The following MIR2052HG variants were observed in gnomAD, a reference collection of about 807,000 sequenced individuals.
MIR2052HG encodes the protein MIR2052 host gene.
chr8:74,719,000 G>A (rs1186814177), intron 4 of MIR2052HG, among the ~76,000 whole-genome samples: 4 of 151,886 alleles, frequency 2.6e-5, no homozygotes, highest in Non-Finnish European at 5.9e-5. Flanking sequence ...AAATTAGGAG[G>A]TTTATTATGA....
chr8:74,704,156 C>T (rs1393198340), intron 4 of MIR2052HG, among the ~76,000 whole-genome samples: 3 of 151,802 alleles, frequency 2.0e-5, no homozygotes, highest in Non-Finnish European at 2.9e-5. Context: ...TATTTCTTTT[C>T]GTGGGTATCT....
intron 4 of MIR2052HG, among the ~76,000 whole-genome samples, chr8:74,738,133 G>GTATCTATC (rs56976671): frequency 0.24 from 35,933 of 149,496 alleles, 5,249 homozygotes; most frequent in East Asian, 0.61. Flanking sequence ...ATGTATGTAT[G>GTATCTATC]TATCTATCTA....
chr8:74,743,356 C>T (rs1809851990), intron 4 of MIR2052HG, among the ~76,000 whole-genome samples: 2 of 151,886 alleles, frequency 1.3e-5, no homozygotes, highest in South Asian at 4.2e-4. Flanking sequence ...CTACTGAATC[C>T]CCAAGTGTTA....
chr8:74,651,446 T>G (rs1808751292), intron 2 of MIR2052HG, among the ~76,000 whole-genome samples: 1 of 152,268 alleles, frequency 6.6e-6, no homozygotes, highest in Non-Finnish European at 1.5e-5. Context: ...TTTTGGAGTG[T>G]TTTTGTTTGT....
chr8:74,682,767 C>T (rs1809139708), intron 2 of MIR2052HG, among the ~76,000 whole-genome samples: 1 of 152,122 alleles, frequency 6.6e-6, no homozygotes, highest in Non-Finnish European at 1.5e-5. Context: ...TTGATATATA[C>T]ACCCGAGAAA....
chr8:74,699,994 C>T (rs1360235504), intron 2 of MIR2052HG, among the ~76,000 whole-genome samples: 6 of 152,040 alleles, frequency 3.9e-5, no homozygotes, highest in East Asian at 1.9e-4. Flanking sequence ...AGTGCTAACC[C>T]GTTTATCAAC....
At chr8:74,634,702 G>C (rs75482734) in intron 2 of MIR2052HG, among the ~76,000 whole-genome samples, 4,115 of 152,148 alleles carry the variant, frequency 0.027, 189 homozygotes, top group African/African-American at 0.094. Context: ...CATGTAATCT[G>C]TTAATACACT....
chr8:74,732,376 G>T (rs775759461), intron 4 of MIR2052HG, among the ~76,000 whole-genome samples: 3 of 152,004 alleles, frequency 2.0e-5, no homozygotes, highest in Non-Finnish European at 4.4e-5. Context: ...TGGATACCAA[G>T]GTACAACTAT....
intron 5 of MIR2052HG, among the ~76,000 whole-genome samples, chr8:74,755,996 C>G (rs1467754448): frequency 6.6e-6 from 1 of 152,170 alleles, no homozygotes; most frequent in African/African-American, 2.4e-5. Flanking sequence ...CAAGGCTGCT[C>G]TTACTTCAGA....
intron 2 of MIR2052HG, among the ~76,000 whole-genome samples, chr8:74,613,901 T>A (rs1184004084): frequency 6.6e-6 from 1 of 152,174 alleles, no homozygotes; most frequent in Non-Finnish European, 1.5e-5. Flanking sequence ...TTAGGTGTAT[T>A]TTGGTTATGC....
At chr8:74,627,481 T>C (rs546852821) in intron 2 of MIR2052HG, among the ~76,000 whole-genome samples, 14 of 152,362 alleles carry the variant, frequency 9.2e-5, no homozygotes, top group African/African-American at 3.4e-4. Flanking sequence ...GCATGAAATA[T>C]ACTTAATGCC....
intron 2 of MIR2052HG, among the ~76,000 whole-genome samples, chr8:74,691,886 G>A (rs777730208): frequency 6.6e-6 from 1 of 152,014 alleles, no homozygotes; most frequent in Non-Finnish European, 1.5e-5. Context: ...TCTCCCATTA[G>A]TTATATTTTT....
intron 2 of MIR2052HG, among the ~76,000 whole-genome samples, chr8:74,702,024 C>T (rs147478638): frequency 0.019 from 2,832 of 152,038 alleles, 42 homozygotes; most frequent in Non-Finnish European, 0.026. Context: ...CATACAATTT[C>T]CAGGATGCCA....
At chr8:74,628,211 T>C (rs1339973107) in intron 2 of MIR2052HG, among the ~76,000 whole-genome samples, 2 of 152,130 alleles carry the variant, frequency 1.3e-5, no homozygotes, top group East Asian at 3.8e-4. Flanking sequence ...GAGGGAAGCA[T>C]AATACCAAAG....
chr8:74,699,951 T>A (rs1468302698), intron 2 of MIR2052HG, among the ~76,000 whole-genome samples: 1 of 152,174 alleles, frequency 6.6e-6, no homozygotes. Context: ...TTGTGTTTGG[T>A]CTTTGGTTAG....
intron 1 of MIR2052HG, among the ~76,000 whole-genome samples, chr8:74,600,220 A>G (rs1283921916): frequency 3.3e-5 from 5 of 151,528 alleles, no homozygotes; most frequent in Non-Finnish European, 5.9e-5. Context: ...TGTAGACTGG[A>G]GCTGTTCCTA....
intron 2 of MIR2052HG, among the ~76,000 whole-genome samples, chr8:74,661,142 G>A (rs1442294624): frequency 6.6e-6 from 1 of 151,774 alleles, no homozygotes; most frequent in African/African-American, 2.4e-5. Flanking sequence ...GTTACCAGCT[G>A]GGCTACCTTG....
intron 4 of MIR2052HG, among the ~76,000 whole-genome samples, chr8:74,709,223 G>A (rs1016385835): frequency 1.3e-5 from 2 of 152,116 alleles, no homozygotes; most frequent in African/African-American, 4.8e-5. Context: ...TGTAGTAAGT[G>A]AATTGCAGAG....
At chr8:74,633,314 C>G (rs1342120712) in intron 2 of MIR2052HG, 1 of 152,224 alleles carries the variant, frequency 6.6e-6, no homozygotes, top group Admixed American at 6.6e-5. Flanking sequence ...ATGTGTGAAC[C>G]CTTTCCAGCA....
Sources: gnomAD v4.1 joint callset for allele counts (sites outside exome capture counted in the v4.1 genomes callset) on GRCh38, gnomAD v4.1.1 for gene constraint, MANE v1.5 for transcripts, NCBI Gene and HGNC (gene_info 2026-07-23, HGNC 2026-07-21) for gene names.